Variants in LGR4 observed in about 807,000 individuals in gnomAD.
The protein encoded by LGR4 is leucine-rich repeat-containing G protein-coupled receptor 4.
LGR4 carries 44 observed loss-of-function variants against 84.8 expected under a neutral mutation model. That is an observed-to-expected ratio of 0.52 (90% CI 0.41 to 0.67). The LOEUF is 0.67. Ranked by LOEUF, LGR4 falls within the 30% of genes least tolerant of loss-of-function variation. The probability of loss-of-function intolerance (pLI) is 0.00; values close to 1 mark genes in which losing one functional copy is unlikely to be tolerated. For missense variants in LGR4, 1,032 were observed against 1,131.4 expected (o/e 0.91, Z 1.26); for synonymous variants, 429 against 434.3 (o/e 0.99, Z 0.15).
At position 27,455,769 on chromosome 11, in the gene LGR4, C is replaced by T. The variant is rs189724554; in HGVS notation, c.185+16349G>A. Among the ~76,000 whole-genome samples, 95 of 152,272 alleles carry T rather than the reference C, an allele frequency of 6.2e-4. No individual in the cohort carries two copies. In the East Asian group the frequency reaches 0.018, roughly 29 times the overall value. On this transcript the variant is annotated intron_variant, in intron 1 of 17. Transcript: ENST00000379214. ...AGCACTGAAAGATACTGTTATACAGCCCACTCAACCAAATAACCCTAGTCT... is the reference window on the plus strand; with the variant it reads ...AGCACTGAAAGATACTGTTATACAGTCCACTCAACCAAATAACCCTAGTCT...
At chr11:27,401,607 T>C (rs889494904) in intron 2 of LGR4, among the ~76,000 whole-genome samples, 3 of 152,224 alleles carry the variant, frequency 2.0e-5, no homozygotes, top group South Asian at 2.1e-4. Context: ...AAAGGAGGTA[T>C]TGAGTTTTCC....
At chr11:27,369,230 T>C in intron 17 of LGR4, 87 bp from the exon 18 acceptor site, 1 of 1,010,352 alleles carries the variant, frequency 9.9e-7, no homozygotes, top group East Asian at 2.6e-5. Context: ...GAAAAACTAA[T>C]GATATAGACT....
chr11:27,380,587 C>T, intron 9 of LGR4, 53 bp downstream of exon 9: 1 of 1,216,350 alleles, frequency 8.2e-7, no homozygotes, highest in South Asian at 1.4e-5. Flanking sequence ...TCTTGTTTTC[C>T]ACTAAAACAA....
intron 4 of LGR4, among the ~76,000 whole-genome samples, chr11:27,390,614 T>A (rs1863266438): frequency 6.6e-6 from 1 of 152,212 alleles, no homozygotes; most frequent in Non-Finnish European, 1.5e-5. Context: ...TTTGTATTCA[T>A]TATTCTAGTA....
rs79678951 is a variant in LGR4, at chr11:27,380,007, C to T, written c.971+264G>A. On this transcript the variant is annotated intron_variant, in intron 10 of 17. Transcript: ENST00000379214. ...CATCGAATGCCCCCACTTCTAAATTCTGAAAGCACTGCTTCTAATTTGGCA... is the reference window on the plus strand; with the variant it reads ...CATCGAATGCCCCCACTTCTAAATTTTGAAAGCACTGCTTCTAATTTGGCA... 5.5e-3 allele frequency among the ~76,000 whole-genome samples: 836 copies of T among 152,286 alleles called. 4 individuals carry two copies. Among genetic ancestry groups the T allele is most frequent in the Non-Finnish European group, 7.7e-3 (521 of 68,010 alleles).
chr11:27,391,623 C>T (rs931828313), intron 3 of LGR4, among the ~76,000 whole-genome samples: 10 of 152,026 alleles, frequency 6.6e-5, no homozygotes, highest in South Asian at 6.2e-4. Context: ...TTTTTTCAAG[C>T]GGATGGCAGA....
chr11:27,455,462 A>G (rs908072738), intron 1 of LGR4, among the ~76,000 whole-genome samples: 1 of 152,218 alleles, frequency 6.6e-6, no homozygotes, highest in African/African-American at 2.4e-5. Flanking sequence ...CCATGTCTAT[A>G]AACAGGTTAA....
At chr11:27,391,929 G>A (rs1358249652) in intron 3 of LGR4, among the ~76,000 whole-genome samples, 1 of 152,084 alleles carries the variant, frequency 6.6e-6, no homozygotes, top group East Asian at 1.9e-4. Flanking sequence ...CAGAAGTGGG[G>A]GCAGTCAGTT....
At chr11:27,407,166 AG>A (rs1490693970) in intron 2 of LGR4, among the ~76,000 whole-genome samples, 2 of 152,180 alleles carry the variant, frequency 1.3e-5, no homozygotes, top group Non-Finnish European at 2.9e-5. Flanking sequence ...TGGCTAGATA[AG>A]GAAATTTTAT....
At chr11:27,455,950 C>T (rs1313478636) in intron 1 of LGR4, among the ~76,000 whole-genome samples, 2 of 152,136 alleles carry the variant, frequency 1.3e-5, no homozygotes, top group East Asian at 3.8e-4. Flanking sequence ...ACGTGTTACG[C>T]ACTTCATTTA....
chr11:27,437,393 AAAAGTTTC>A (rs1452530966), intron 1 of LGR4, among the ~76,000 whole-genome samples: 1 of 152,168 alleles, frequency 6.6e-6, no homozygotes, highest in Non-Finnish European at 1.5e-5. Flanking sequence ...TAGTGTTGAG[AAAAGTTTC>A]AAAGTGCTAC....
intron 1 of LGR4, among the ~76,000 whole-genome samples, chr11:27,435,270 C>T (rs1462096207): frequency 6.6e-6 from 1 of 151,676 alleles, no homozygotes; most frequent in East Asian, 2.0e-4. Flanking sequence ...GAAGCAGAGG[C>T]TGCAGTGAGC....
chr11:27,381,669 G>A (rs971044408), intron 7 of LGR4, among the ~76,000 whole-genome samples: 5 of 151,652 alleles, frequency 3.3e-5, no homozygotes, highest in South Asian at 2.1e-4. Flanking sequence ...CAGCCTGGGC[G>A]ACAGAGTGAG....
intron 10 of LGR4, among the ~76,000 whole-genome samples, chr11:27,379,522 C>T (rs1863051246): frequency 6.6e-6 from 1 of 152,200 alleles, no homozygotes; most frequent in Non-Finnish European, 1.5e-5. Context: ...AAACTCCTTA[C>T]CTCAGTGCTT....
chr11:27,458,444 T>C lies in LGR4; in HGVS notation c.185+13674A>G, dbSNP rs552717964. Among the ~76,000 whole-genome samples the C allele has an allele frequency of 1.5e-4, 23 of 152,306 alleles. 1 individual carries two copies. Among genetic ancestry groups the C allele is most frequent in the Non-Finnish European group, 2.9e-5 (2 of 68,034 alleles). On this transcript the variant is annotated intron_variant, in intron 1 of 17. Coordinates refer to ENST00000379214, the MANE Select transcript of LGR4 (RefSeq NM_018490.5). ...ATGACTGTATACATTGTGAAACTCA[T>C]AGAACTGAACATTAAAAAGGATGAC...
chr11:27,394,709 C>G (rs561030008), intron 2 of LGR4, among the ~76,000 whole-genome samples: 1 of 152,194 alleles, frequency 6.6e-6, no homozygotes, highest in Admixed American at 6.5e-5. Context: ...CTCATTTGTA[C>G]CCCCTTAAAC....
At chr11:27,452,623 G>GTTTTTTT (rs557477166) in intron 1 of LGR4, among the ~76,000 whole-genome samples, 1 of 119,338 alleles carries the variant, frequency 8.4e-6, no homozygotes, top group African/African-American at 3.3e-5. Context: ...AACTTTTTGA[G>GTTTTTTT]TTTTTTTTTT....
intron 1 of LGR4, among the ~76,000 whole-genome samples, chr11:27,461,586 C>T (rs959435860): frequency 6.6e-6 from 1 of 151,938 alleles, no homozygotes; most frequent in Non-Finnish European, 1.5e-5. Context: ...TGCAGCCCAA[C>T]ACAAATTCAT....
intron 3 of LGR4, among the ~76,000 whole-genome samples, chr11:27,391,463 T>A (rs1863283991): frequency 6.6e-6 from 1 of 152,180 alleles, no homozygotes; most frequent in Non-Finnish European, 1.5e-5. Flanking sequence ...CTAGTTAATG[T>A]TCATCACCCT....
Sources: allele counts gnomAD v4.1 joint callset (sites outside exome capture counted in the v4.1 genomes callset), GRCh38; gene constraint gnomAD v4.1.1; transcripts MANE v1.5; gene names NCBI Gene and HGNC (gene_info 2026-07-23, HGNC 2026-07-21).